The following ASPRV1 variants were observed in gnomAD, a reference collection of about 807,000 sequenced individuals.
ASPRV1 encodes aspartic peptidase retroviral like 1.
ASPRV1 carries 7 observed loss-of-function variants against 11.0 expected under a neutral mutation model. The observed-to-expected ratio is 0.64, with a 90% CI of 0.36 to 1.20. The LOEUF is 1.20. Ranked by LOEUF, ASPRV1 falls within the 50% of genes most tolerant of loss-of-function variation. The pLI, the probability that ASPRV1 is intolerant of heterozygous loss-of-function variation, is 0.02. For synonymous variants in ASPRV1, 136 were observed against 138.4 expected (o/e 0.98, Z 0.12); for missense variants, 299 against 320.0 (o/e 0.93, Z 0.50).
At chr2:70,077,812 G>A in the ASPRV1 span, among the ~76,000 whole-genome samples, 3 of 151,554 alleles carry the variant, frequency 2.0e-5, no homozygotes, top group East Asian at 3.9e-4. Context: ...CTGAGACGAC[G>A]CCATTGCACT....
chr2:69,991,103 C>T, the ASPRV1 span, among the ~76,000 whole-genome samples: 1 of 152,192 alleles, frequency 6.6e-6, no homozygotes, highest in African/African-American at 2.4e-5. Flanking sequence ...GCTAACAGCC[C>T]CTGCATCGTC....
the ASPRV1 span, chr2:69,975,667 A>C: frequency 6.6e-6 from 1 of 152,428 alleles, no homozygotes; most frequent in East Asian, 1.9e-4. Context: ...AGCGTGAAGG[A>C]GACAGGAGGC....
chr2:70,063,767 G>A, the ASPRV1 span: 2 of 152,126 alleles, frequency 1.3e-5, no homozygotes, highest in African/African-American at 4.8e-5. Context: ...TCAACTATCT[G>A]ATCCTTTCTA....
chr2:69,944,789 T>C, the ASPRV1 span, among the ~76,000 whole-genome samples: 2 of 147,300 alleles, frequency 1.4e-5, no homozygotes, highest in Non-Finnish European at 2.9e-5. Context: ...TCTGTGCCTA[T>C]TGTGAAGAAG....
At chr2:70,001,523 C>T in the ASPRV1 span, among the ~76,000 whole-genome samples, 3 of 152,004 alleles carry the variant, frequency 2.0e-5, no homozygotes, top group African/African-American at 4.8e-5. Context: ...TTTGTGAGGC[C>T]GAGGCAGGTG....
the ASPRV1 span, chr2:69,988,837 G>C: frequency 8.8e-6 from 4 of 456,654 alleles, no homozygotes; most frequent in South Asian, 3.1e-5. Context: ...CTGCAGAAGA[G>C]TCTGGAGTAG....
chr2:69,950,098 G>A, the ASPRV1 span, among the ~76,000 whole-genome samples: 4 of 152,186 alleles, frequency 2.6e-5, no homozygotes, highest in Non-Finnish European at 5.9e-5. Flanking sequence ...TTACAGGCAT[G>A]AGCCACTACA....
the ASPRV1 span, among the ~76,000 whole-genome samples, chr2:70,029,718 T>G: frequency 2.0e-5 from 3 of 152,194 alleles, no homozygotes; most frequent in African/African-American, 7.2e-5. Context: ...TTGGCCACTT[T>G]GCTTGTCAGA....
chr2:69,974,427 T>C, the ASPRV1 span, among the ~76,000 whole-genome samples: 3 of 152,198 alleles, frequency 2.0e-5, no homozygotes, highest in African/African-American at 7.2e-5. Context: ...GTTTATATAA[T>C]TTAATTTATA....
At chr2:69,938,183 C>T in the ASPRV1 span, 50 of 1,614,066 alleles carry the variant, frequency 3.1e-5, no homozygotes, top group South Asian at 1.3e-4. Flanking sequence ...CTCTGACGAG[C>T]GGGGCAGCAT....
chr2:69,934,199 C>T, the ASPRV1 span, among the ~76,000 whole-genome samples: 1 of 152,170 alleles, frequency 6.6e-6, no homozygotes, highest in Non-Finnish European at 1.5e-5. Flanking sequence ...CAGTGAACTT[C>T]CCAGTGAATA....
chr2:69,943,113 T>C, the ASPRV1 span, among the ~76,000 whole-genome samples: 7 of 152,190 alleles, frequency 4.6e-5, no homozygotes, highest in African/African-American at 1.7e-4. Context: ...GTGGCTCCAG[T>C]TGAGCCCATT....
At chr2:69,999,288 T>C in the ASPRV1 span, among the ~76,000 whole-genome samples, 1 of 144,268 alleles carries the variant, frequency 6.9e-6, no homozygotes, top group African/African-American at 2.5e-5. Context: ...AGATTCAAAT[T>C]AAAAAAAAAA....
Position 69,960,644 on chromosome 2 carries a change from A to G in ASPRV1, c.*13T>C. On this transcript the variant is annotated 3_prime_UTR_variant, in exon 1 of 1. Coordinates refer to ENST00000320256, the MANE Select transcript of ASPRV1 (RefSeq NM_152792.4). Reference sequence around the variant, plus strand: ...CCCACCAATATTTAGGAGGTTAAAGAAAAGGTGGCTTCTCAGTGGGATAGC... The same window carrying G: ...CCCACCAATATTTAGGAGGTTAAAGGAAAGGTGGCTTCTCAGTGGGATAGC... 2 of 1,600,180 alleles carry G rather than the reference A, an allele frequency of 1.2e-6. No individual in the cohort carries two copies. The highest frequency in any genetic ancestry group is 1.7e-6 in the Non-Finnish European group (2 of 1,174,092).
upstream of ASPRV1, chr2:69,961,715 C>A: frequency 6.6e-7 from 1 of 1,519,810 alleles, no homozygotes; most frequent in South Asian, 1.3e-5. Flanking sequence ...AGCTCCGCCC[C>A]TCCTCACCCC....
At chr2:70,020,170 A>G in the ASPRV1 span, among the ~76,000 whole-genome samples, 1 of 152,176 alleles carries the variant, frequency 6.6e-6, no homozygotes, top group Admixed American at 6.6e-5. Flanking sequence ...GCTGCTGGAG[A>G]AAACAACATG....
the ASPRV1 span, among the ~76,000 whole-genome samples, chr2:70,039,079 CAA>C: frequency 1.2e-4 from 8 of 66,128 alleles, no homozygotes; most frequent in Admixed American, 3.6e-4. Flanking sequence ...AACTCCATCT[CAA>C]AAAAAAAAAA....
the ASPRV1 span, among the ~76,000 whole-genome samples, chr2:69,969,753 G>A: frequency 8.5e-5 from 13 of 152,060 alleles, no homozygotes; most frequent in African/African-American, 2.9e-4. Context: ...TGTGTTTTTT[G>A]TTTGTTTCGT....
At chr2:70,028,424 G>A in the ASPRV1 span, 10 of 152,238 alleles carry the variant, frequency 6.6e-5, no homozygotes, top group East Asian at 1.9e-3. Flanking sequence ...TGCCACCTGA[G>A]ACCTAGGAAA....
Sources: allele counts gnomAD v4.1 joint callset (sites outside exome capture counted in the v4.1 genomes callset), GRCh38; gene constraint gnomAD v4.1.1; transcripts MANE v1.5; gene names NCBI Gene and HGNC (gene_info 2026-07-23, HGNC 2026-07-21).